The following FRAS1 variants were observed in gnomAD, a reference collection of about 807,000 sequenced individuals.
FRAS1 encodes the protein Fraser extracellular matrix complex subunit 1.
Under a neutral mutation model 435.2 loss-of-function variants are expected in FRAS1, and 290 were observed. The observed-to-expected ratio is 0.67, with a 90% CI of 0.61 to 0.73. FRAS1 has a LOEUF of 0.73. Among genes scored for constraint, FRAS1 ranks in the 30% least tolerant of loss-of-function variants. The probability of loss-of-function intolerance (pLI) is 0.00; values close to 1 mark genes in which losing one functional copy is unlikely to be tolerated. For synonymous variants in FRAS1, 1,800 were observed against 1,851.0 expected, an observed-to-expected ratio of 0.97 and a Z score of 0.71; for missense variants, 4,860 against 5,001.5, an observed-to-expected ratio of 0.97 and a Z score of 0.85.
At chr4:78,171,653 A>G (rs536866292) in intron 2 of FRAS1, among the ~76,000 whole-genome samples, 1 of 152,216 alleles carries the variant, frequency 6.6e-6, no homozygotes, top group South Asian at 2.1e-4. Context: ...CACCATCCTC[A>G]GGTTCTTTGC....
intron 2 of FRAS1, among the ~76,000 whole-genome samples, chr4:78,232,019 G>A (rs576267180): frequency 5.3e-5 from 8 of 152,082 alleles, no homozygotes; most frequent in Non-Finnish European, 7.4e-5. Flanking sequence ...TTAAAGTGTC[G>A]GAATTGCAAT....
At chr4:78,357,508 C>T (rs980929546) in intron 20 of FRAS1, among the ~76,000 whole-genome samples, 1 of 152,116 alleles carries the variant, frequency 6.6e-6, no homozygotes, top group East Asian at 1.9e-4. Flanking sequence ...GCTTTTTCTT[C>T]CCCTTCAGTT....
Position 78,481,816 on chromosome 4 carries a change from T to C in FRAS1, c.8456T>C (p.Ile2819Thr), listed in dbSNP as rs758836366. Residue 2819 changes from isoleucine to threonine, a missense_variant, in exon 57 of 74, where the codon ATT becomes ACT. By Grantham distance (89) the Ile-to-Thr change is moderately conservative. Coordinates refer to ENST00000512123, the MANE Select transcript of FRAS1 (RefSeq NM_025074.7). ...AATCTTAATTCAGGCACAGTAAAGA[T>C]TCCAGTTATCCGCCATGGTACTGAC... is the stretch of plus-strand genomic sequence containing the variant. Reference protein sequence around the residue: ...TVSEDAGTVKIPVIRHGTDLS... With the variant: ...TVSEDAGTVKTPVIRHGTDLS... 3 of 1,613,794 alleles carry C rather than the reference T, an allele frequency of 1.9e-6. No individual in the cohort carries two copies. The African/African-American group carries it at 4.0e-5, about 22-fold the overall frequency.
intron 14 of FRAS1, among the ~76,000 whole-genome samples, chr4:78,295,908 G>T (rs547802311): frequency 2.2e-4 from 34 of 151,834 alleles, no homozygotes; most frequent in African/African-American, 7.5e-4. Flanking sequence ...ACCACACCTG[G>T]CTAATTTTAT....
At position 78,348,159 on chromosome 4, in the gene FRAS1, G is replaced by C. The variant is rs867972262; in HGVS notation, c.2422+10342G>C. On this transcript the variant is annotated intron_variant, in intron 20 of 73. Transcript: ENST00000512123. ...GCGCACTGTGCGCGAGCCGAAGCAG[G>C]GCGAGGCATTGCCTCACCTGGGAAG... 4.8e-5 allele frequency among the ~76,000 whole-genome samples: 2 copies of C among 41,890 alleles called. 1 individual carries two copies. The highest frequency in any genetic ancestry group is 8.8e-5 in the Non-Finnish European group (2 of 22,718). 27.5% of individuals were successfully genotyped at this position (41,890 alleles called of 152,430 possible).
At chr4:78,084,033 A>T (rs954899473) in intron 2 of FRAS1, among the ~76,000 whole-genome samples, 1 of 152,048 alleles carries the variant, frequency 6.6e-6, no homozygotes, top group African/African-American at 2.4e-5. Context: ...CAGTTTTCAG[A>T]ATAATTATTT....
intron 15 of FRAS1, 44 bp from the exon 16 acceptor site, chr4:78,315,550 G>T (rs1383967273): frequency 1.3e-6 from 2 of 1,560,162 alleles, no homozygotes; most frequent in Non-Finnish European, 1.7e-6. Flanking sequence ...TGCTTCTTTT[G>T]CTCACTATTG....
intron 18 of FRAS1, 95 bp from the exon 19 acceptor site, chr4:78,333,177 A>G (rs1730011589): frequency 2.1e-6 from 3 of 1,410,116 alleles, no homozygotes; most frequent in Non-Finnish European, 9.5e-7. Context: ...TACAGAACAT[A>G]CTCTGACCCA....
intron 31 of FRAS1, among the ~76,000 whole-genome samples, chr4:78,410,501 A>G (rs1733290306): frequency 1.3e-5 from 2 of 152,108 alleles, no homozygotes; most frequent in South Asian, 4.1e-4. Flanking sequence ...GAACATTATT[A>G]CTTACAAAGT....
intron 15 of FRAS1, among the ~76,000 whole-genome samples, chr4:78,311,419 C>T (rs1729016176): frequency 6.6e-6 from 1 of 152,150 alleles, no homozygotes; most frequent in Admixed American, 6.5e-5. Context: ...CTTCACTTCT[C>T]ACTGCTATGT....
At position 78,464,062 on chromosome 4, in the gene FRAS1, C is replaced by T. The variant is rs1460031293; in HGVS notation, c.6805C>T (p.Arg2269Ter). The T allele has an allele frequency of 4.3e-6, 7 of 1,613,498 alleles. No homozygotes were observed. Among genetic ancestry groups the T allele is most frequent in the African/African-American group, 1.3e-5 (1 of 74,924 alleles). ...CTTTACTCAAGCTGATCTGACTTCACGAAATGTTCAGTATGTCCATTCTAG... is the reference window on the plus strand; with the variant it reads ...CTTTACTCAAGCTGATCTGACTTCATGAAATGTTCAGTATGTCCATTCTAG... ...SSFTQADLTS[R>*]NVQYVHSSEA... The change falls in exon 48 of 74, where the codon CGA becomes TGA. Residue 2269 changes from arginine to a stop codon, truncating the protein, a stop_gained. Transcript: ENST00000512123. LOFTEE classifies it high-confidence loss of function.
chr4:78,147,377 G>C (rs1462312631), intron 2 of FRAS1, among the ~76,000 whole-genome samples: 1 of 152,124 alleles, frequency 6.6e-6, no homozygotes, highest in Non-Finnish European at 1.5e-5. Context: ...AATCACATAG[G>C]CTTCAGAATC....
intron 2 of FRAS1, among the ~76,000 whole-genome samples, chr4:78,137,115 G>A (rs1719951856): frequency 6.6e-6 from 1 of 152,120 alleles, no homozygotes; most frequent in African/African-American, 2.4e-5. Flanking sequence ...CACCCACCTG[G>A]GTGTGTTTTT....
chr4:78,317,708 C>T (rs1729336182), intron 17 of FRAS1, among the ~76,000 whole-genome samples, 200 bp downstream of exon 17: 1 of 152,106 alleles, frequency 6.6e-6, no homozygotes, highest in Non-Finnish European at 1.5e-5. Context: ...TTTGTGAAGA[C>T]ACTCAAAGTG....
At chr4:78,411,760 G>C (rs1400274386) in intron 31 of FRAS1, among the ~76,000 whole-genome samples, 1 of 152,128 alleles carries the variant, frequency 6.6e-6, no homozygotes, top group Non-Finnish European at 1.5e-5. Flanking sequence ...TTCTTCAAAA[G>C]ATAGAATATA....
chr4:78,273,483 A>G (rs61840769), intron 9 of FRAS1, among the ~76,000 whole-genome samples: 4 of 152,158 alleles, frequency 2.6e-5, no homozygotes, highest in African/African-American at 7.2e-5. Flanking sequence ...TCTCAGATAC[A>G]TACCATCAAT....
intron 2 of FRAS1, among the ~76,000 whole-genome samples, chr4:78,100,345 G>A (rs1486640877): frequency 6.6e-6 from 1 of 152,200 alleles, no homozygotes; most frequent in Non-Finnish European, 1.5e-5. Context: ...GTCAACTTCT[G>A]TTGTGAATAT....
At chr4:78,308,035 A>G (rs1003590134) in intron 14 of FRAS1, 31 bp from the exon 15 acceptor site, 1 of 1,573,218 alleles carries the variant, frequency 6.4e-7, no homozygotes, top group Non-Finnish European at 8.6e-7. Flanking sequence ...TCTGCCGTAG[A>G]TTACTCACTG....
intron 35 of FRAS1, among the ~76,000 whole-genome samples, chr4:78,428,613 G>C (rs561740068): frequency 1.3e-5 from 2 of 151,976 alleles, no homozygotes; most frequent in Non-Finnish European, 2.9e-5. Context: ...GTGAGCCACT[G>C]TGCCCGGCCA....
Sources: allele counts gnomAD v4.1 joint callset (sites outside exome capture counted in the v4.1 genomes callset), GRCh38; gene constraint gnomAD v4.1.1; transcripts MANE v1.5; gene names NCBI Gene and HGNC (gene_info 2026-07-23, HGNC 2026-07-21).